Variants in ZNF638 observed in about 807,000 individuals in gnomAD.
The protein encoded by ZNF638 is zinc finger protein 638, also known as CTCL tumor antigen se33-1.
In ZNF638, 46 loss-of-function variants were observed where a neutral mutation model predicts 195.6. The observed-to-expected ratio is 0.24, with a 90% CI of 0.19 to 0.30. The LOEUF (loss-of-function observed/expected upper bound fraction) is 0.30. Ranked by LOEUF, ZNF638 falls within the 10% of genes least tolerant of loss-of-function variation. The pLI, the probability that ZNF638 is intolerant of heterozygous loss-of-function variation, is 1.00. For synonymous variants in ZNF638, 845 were observed against 772.0 expected, an observed-to-expected ratio of 1.09 and a Z score of -1.57; for missense variants, 2,440 against 2,325.3, an observed-to-expected ratio of 1.05 and a Z score of -1.01.
chr2:71,365,782 C>A (rs1446836585), intron 6 of ZNF638, 76 bp downstream of exon 6: 2 of 1,364,242 alleles, frequency 1.5e-6, no homozygotes, highest in African/African-American at 1.5e-5. Flanking sequence ...AGTGGTGCAA[C>A]AAGCATGGCT....
chr2:71,382,142 C>T (rs991958992), intron 10 of ZNF638, among the ~76,000 whole-genome samples: 7 of 152,050 alleles, frequency 4.6e-5, no homozygotes, highest in East Asian at 3.9e-4. Context: ...ACTAAGAGTG[C>T]GATGATATTA....
At chr2:71,373,484 G>A (rs9309451) in intron 8 of ZNF638, among the ~76,000 whole-genome samples, 33,480 of 119,038 alleles carry the variant, frequency 0.28, 5,861 homozygotes, top group African/African-American at 0.51. Flanking sequence ...TCTCTCTGTC[G>A]CCCAGGCTGG....
intron 8 of ZNF638, among the ~76,000 whole-genome samples, chr2:71,377,344 C>CAA (rs201563992): frequency 6.6e-6 from 1 of 151,318 alleles, no homozygotes; most frequent in African/African-American, 2.4e-5. Flanking sequence ...CAACCTTGTG[C>CAA]AAAAAAAACA....
chr2:71,372,321 T>C (rs1008972972), intron 8 of ZNF638, among the ~76,000 whole-genome samples: 2 of 152,204 alleles, frequency 1.3e-5, no homozygotes, highest in African/African-American at 4.8e-5. Context: ...CAGATTCTTA[T>C]TGCCGGGATG....
At chr2:71,332,491 GC>G (rs1471715225) in intron 1 of ZNF638, among the ~76,000 whole-genome samples, 1 of 152,240 alleles carries the variant, frequency 6.6e-6, no homozygotes, top group Non-Finnish European at 1.5e-5. Flanking sequence ...GCTGCGTAGT[GC>G]AGGTATGAAA....
At chr2:71,397,525 G>A (rs533361387) in intron 11 of ZNF638, among the ~76,000 whole-genome samples, 1 of 152,206 alleles carries the variant, frequency 6.6e-6, no homozygotes, top group South Asian at 2.1e-4. Context: ...AAGTATGATT[G>A]TATTCTCATA....
chr2:71,334,755 TA>T (rs1339489840), intron 1 of ZNF638, among the ~76,000 whole-genome samples: 2 of 151,744 alleles, frequency 1.3e-5, no homozygotes, highest in Admixed American at 1.3e-4. Flanking sequence ...CCATCTCTAC[TA>T]AAAATAGAAA....
chr2:71,427,110 T>C lies in ZNF638; in HGVS notation c.5241T>C (p.His1747=), dbSNP rs370835520. ...TACAAGATGACAGCAGTGATTTGCA[T>C]TTAGTGACTTTGGATGAAGTAACTG... ...DEIQDDSSDL[H]LVTLDEVTEE... The change falls in exon 24 of 28, where the codon CAT becomes CAC. Residue 1747 remains histidine (H), a synonymous_variant. Transcript: ENST00000264447. The C allele has an allele frequency of 1.9e-6, 3 of 1,614,082 alleles. No homozygotes were observed. In the African/African-American group the frequency reaches 4.0e-5, roughly 22 times the overall value.
At chr2:71,338,999 TC>T (rs1392045565) in intron 1 of ZNF638, among the ~76,000 whole-genome samples, 1 of 152,230 alleles carries the variant, frequency 6.6e-6, no homozygotes, top group Non-Finnish European at 1.5e-5. Flanking sequence ...GTATTATTCT[TC>T]CTTTGTTTCT....
Position 71,426,558 on chromosome 2 carries a change from A to G in ZNF638, c.4689A>G (p.Gly1563=). 1 of 1,614,102 alleles carries G rather than the reference A, an allele frequency of 6.2e-7. No homozygotes were observed. Among genetic ancestry groups the G allele is most frequent in the Non-Finnish European group, 8.5e-7 (1 of 1,179,996 alleles). The change falls in exon 24 of 28, where the codon GGA becomes GGG. Residue 1563 remains glycine (G), a synonymous_variant. Transcript: ENST00000264447. ...AGGCCAAGCAGAATCCACTAAAGGGAAAAAGGAAAGAAACTCTCAAAAATG... is the reference window on the plus strand; with the variant it reads ...AGGCCAAGCAGAATCCACTAAAGGGGAAAAGGAAAGAAACTCTCAAAAATG... ...PSQAKQNPLK[G]KRKETLKNVP... is the part of the protein sequence containing the mutation.
In ZNF638 at chr2:71,422,234, T is replaced by A. The variant is rs368017862; in HGVS notation, c.3300-580T>A. The stretch of plus-strand genomic sequence containing the variant: ...GAGTATATAAAGAATACTTTCCAAA[T>A]AATGTTCTAAGTATTATCATTAATA... On this transcript the variant is annotated intron_variant, in intron 21 of 27. Coordinates refer to ENST00000264447, the MANE Select transcript of ZNF638 (RefSeq NM_014497.5). 3.9e-5 allele frequency among the ~76,000 whole-genome samples: 6 copies of A among 152,110 alleles called. No homozygotes were observed. In the South Asian group the frequency reaches 8.3e-4, roughly 21 times the overall value.
At chr2:71,365,404 A>C (rs1057038988) in intron 5 of ZNF638, 25 bp from the exon 6 acceptor site, 1 of 1,526,190 alleles carries the variant, frequency 6.6e-7, no homozygotes, top group Admixed American at 2.1e-5. Flanking sequence ...TTCCAATTGA[A>C]ATTATATTTA....
intron 25 of ZNF638, among the ~76,000 whole-genome samples, chr2:71,430,536 A>G (rs1437839089): frequency 1.3e-5 from 2 of 152,186 alleles, no homozygotes; most frequent in Non-Finnish European, 2.9e-5. Context: ...TCTTGGTTCT[A>G]GCCTGTGTCA....
At chr2:71,406,342 C>A in intron 19 of ZNF638, 80 bp downstream of exon 19, 2 of 1,279,958 alleles carry the variant, frequency 1.6e-6, no homozygotes, top group Non-Finnish European at 2.2e-6. Flanking sequence ...TCTGCAACTT[C>A]TGATCTGAAG....
intron 13 of ZNF638, 54 bp from the exon 14 acceptor site, chr2:71,400,058 A>C: frequency 7.2e-7 from 1 of 1,389,324 alleles, no homozygotes; most frequent in Non-Finnish European, 9.8e-7. Context: ...TAGATTCATT[A>C]GTTTAATTAT....
intron 10 of ZNF638, chr2:71,388,849 A>C: frequency 1.5e-6 from 1 of 663,004 alleles, no homozygotes; most frequent in Non-Finnish European, 2.7e-6. Context: ...CAACTGCTTA[A>C]AGCTAGCAGA....
chr2:71,349,065 G>T lies in ZNF638; in HGVS notation c.111G>T (p.Met37Ile). The T allele has an allele frequency of 6.2e-7, 1 of 1,614,144 alleles. No individual in the cohort carries two copies. Among genetic ancestry groups the T allele is most frequent in the Non-Finnish European group, 8.5e-7 (1 of 1,180,036 alleles). The change falls in exon 2 of 28, where the codon ATG becomes ATT. Residue 37 changes from methionine (M) to isoleucine (I), a missense_variant. By Grantham distance (10) the Met-to-Ile change is conservative (BLOSUM62 1). Around this residue, in one of 5 missense-constraint regions of ZNF638, gnomAD observed 191 missense variants for 173.8 expected, o/e 1.10. Transcript: ENST00000264447. ...PPGPFMRPGS[M>I]GLPRFYPAGR... Reference sequence around the variant, plus strand: ...GACCATTTATGAGGCCTGGATCTATGGGTCTCCCAAGATTTTACCCAGCAG... The same window carrying T: ...GACCATTTATGAGGCCTGGATCTATTGGTCTCCCAAGATTTTACCCAGCAG...
intron 12 of ZNF638, among the ~76,000 whole-genome samples, chr2:71,399,165 T>C (rs748945234): frequency 2.6e-5 from 4 of 152,310 alleles, no homozygotes; most frequent in South Asian, 2.1e-4. Context: ...TCATTTTTTT[T>C]CATAAAGAAA....
rs1255752108 is a variant in ZNF638, at chr2:71,423,243, T to G, written c.3729T>G (p.Ser1243=). The change falls in exon 22 of 28, where the codon TCT becomes TCG. Residue 1243 remains serine (S), a synonymous_variant. Transcript: ENST00000264447. ...ACCTCAAAGGAATTCTAGAAGAATC[T>G]CCATCTGAAGCAGAAGATTTCATTT... ...ERNLKGILEE[S]PSEAEDFISG... is the part of the protein sequence containing the mutation. 6.2e-7 allele frequency: 1 copy of G among 1,614,064 alleles called. No individual in the cohort carries two copies. The highest frequency in any genetic ancestry group is 1.3e-5 in the African/African-American group (1 of 75,020).
Sources: gnomAD v4.1 joint callset for allele counts (sites outside exome capture counted in the v4.1 genomes callset) on GRCh38, gnomAD v4.1.1 for gene constraint, gnomAD v4.1.1 regional missense constraint, MANE v1.5 for transcripts, NCBI Gene and HGNC (gene_info 2026-07-23, HGNC 2026-07-21) for gene names.